The following SNX25 variants were observed in gnomAD, a reference collection of about 807,000 sequenced individuals.
SNX25 encodes sorting nexin-25.
SNX25 carries 62 observed loss-of-function variants against 113.7 expected under a neutral mutation model. That is an observed-to-expected ratio of 0.55 (90% CI 0.44 to 0.67). The LOEUF is 0.67. SNX25 is among the 30% of genes least tolerant of loss of function. The probability of loss-of-function intolerance (pLI) is 0.00; values close to 1 mark genes in which losing one functional copy is unlikely to be tolerated. For missense variants in SNX25, 1,014 were observed against 1,161.0 expected (o/e 0.87, Z 1.84); for synonymous variants, 421 against 436.2 (o/e 0.97, Z 0.43).
chr4:185,303,380 C>G (rs948456968), intron 6 of SNX25, among the ~76,000 whole-genome samples: 1 of 152,146 alleles, frequency 6.6e-6, no homozygotes, highest in Admixed American at 6.5e-5. Flanking sequence ...AACGAAGGTG[C>G]AGGGCGTGGT....
intron 2 of SNX25, among the ~76,000 whole-genome samples, chr4:185,257,157 C>A (rs1411116724): frequency 1.8e-5 from 2 of 111,468 alleles, no homozygotes; most frequent in African/African-American, 6.9e-5. Context: ...TAAGCCAAAT[C>A]AAACAGTGTT....
intron 5 of SNX25, among the ~76,000 whole-genome samples, chr4:185,268,529 T>C (rs3112866): frequency 0.47 from 71,249 of 151,904 alleles, 16,852 homozygotes; most frequent in East Asian, 0.58. Context: ...AATGATAATA[T>C]AGGGGAAAGA....
At chr4:185,303,692 G>A (rs1754038006) in intron 6 of SNX25, among the ~76,000 whole-genome samples, 1 of 151,014 alleles carries the variant, frequency 6.6e-6, no homozygotes, top group East Asian at 1.9e-4. Context: ...GCAAGGCAGG[G>A]CACACAGTGG....
At chr4:185,329,434 C>T (rs1010503913) in intron 9 of SNX25, among the ~76,000 whole-genome samples, 1 of 151,892 alleles carries the variant, frequency 6.6e-6, no homozygotes, top group Admixed American at 6.6e-5. Context: ...AGACAGAGAC[C>T]CAGCGTCCTC....
At chr4:185,372,976 T>G (rs1306886913), downstream of SNX25, 10 of 1,614,028 alleles carry the variant, frequency 6.2e-6, no homozygotes, top group Non-Finnish European at 6.8e-6. Flanking sequence ...CAGGGCAGCT[T>G]CCGTATCCTG....
intron 12 of SNX25, among the ~76,000 whole-genome samples, chr4:185,345,877 T>G (rs1453924054): frequency 2.6e-5 from 4 of 152,170 alleles, no homozygotes; most frequent in Non-Finnish European, 4.4e-5. Context: ...TATTTTTTTT[T>G]GACTGGGTCT....
chr4:185,227,406 C>T (rs1247670632), intron 1 of SNX25, among the ~76,000 whole-genome samples: 1 of 152,254 alleles, frequency 6.6e-6, no homozygotes, highest in African/African-American at 2.4e-5. Flanking sequence ...TTAGCCTTCA[C>T]TTGTATTCCT....
At chr4:185,344,390 G>A (rs949170980) in intron 12 of SNX25, among the ~76,000 whole-genome samples, 2 of 152,130 alleles carry the variant, frequency 1.3e-5, no homozygotes, top group Admixed American at 6.6e-5. Context: ...AGCATCCGGC[G>A]CCACTGTGGC....
intron 2 of SNX25, among the ~76,000 whole-genome samples, chr4:185,257,094 C>T (rs1746558594): frequency 7.2e-6 from 1 of 138,404 alleles, no homozygotes; most frequent in African/African-American, 2.7e-5. Context: ...AGTGTGCAGA[C>T]AAGCAAAGAA....
rs113463460 is a variant in SNX25 at position 185,238,050 on chromosome 4, G to A, written c.430-9244G>A. 2.7e-3 allele frequency among the ~76,000 whole-genome samples: 351 copies of A among 127,694 alleles called. 1 individual carries two copies. Among genetic ancestry groups the A allele is most frequent in the African/African-American group, 9.3e-3 (322 of 34,632 alleles). 83.8% of individuals were successfully genotyped at this position (127,694 alleles called of 152,430 possible). ...TGCACTCCAGTCTGGGCTACAGAGC[G>A]AGACTCCATCTCAAAAAAAAAAAAA... On this transcript the variant is annotated intron_variant, in intron 1 of 18. Transcript: ENST00000652585.
rs1159000963 is a variant in SNX25, at chr4:185,342,892, T to TTA, written c.2187+786_2187+787dup. Among the ~76,000 whole-genome samples the TTA allele has an allele frequency of 2.6e-5, 4 of 152,168 alleles. No individual in the cohort carries two copies. In the South Asian group the frequency reaches 8.3e-4, roughly 32 times the overall value. On this transcript the variant is annotated intron_variant, in intron 12 of 18. Transcript: ENST00000652585. The stretch of plus-strand genomic sequence containing the variant: ...TATTTATTTATTTATCTATTTATTT[T>TTA]TATATATATATTTTTTGAGACGGAG...
At chr4:185,378,472 A>G in the SNX25 span, 2 of 1,203,708 alleles carry the variant, frequency 1.7e-6, no homozygotes, top group Non-Finnish European at 1.0e-6. Context: ...CTGTCTGGCT[A>G]TGGGTTTATA....
chr4:185,272,061 T>C (rs554560585), intron 5 of SNX25, among the ~76,000 whole-genome samples: 1 of 152,248 alleles, frequency 6.6e-6, no homozygotes, highest in Non-Finnish European at 1.5e-5. Context: ...ATGCAGGATG[T>C]TGAAGTGAAG....
At chr4:185,328,755 G>T (rs113498395) in intron 9 of SNX25, among the ~76,000 whole-genome samples, 1 of 152,162 alleles carries the variant, frequency 6.6e-6, no homozygotes, top group African/African-American at 2.4e-5. Context: ...GGACATGAAC[G>T]CGAGCAGTGC....
At position 185,353,482 on chromosome 4, in the gene SNX25, C is replaced by G; in HGVS notation, c.2467-3C>G. 6.2e-7 allele frequency: 1 copy of G among 1,609,874 alleles called. No individual in the cohort carries two copies. Among genetic ancestry groups the G allele is most frequent in the Non-Finnish European group, 8.5e-7 (1 of 1,176,346 alleles). On this transcript the variant is annotated splice_region_variant and splice_polypyrimidine_tract_variant and intron_variant, in intron 14 of 18. Coordinates refer to ENST00000652585, the MANE Select transcript of SNX25 (RefSeq NM_001378034.2). ...GCTTCCTATGACTTTGCTGTATTCC[C>G]AGGAGGAGACAGAGGAGGACAGTGA...
At position 185,362,018 on chromosome 4, in the gene SNX25, T is replaced by G. The variant is rs2095366744; in HGVS notation, c.2746T>G (p.Leu916Val). Reference protein sequence around the residue: ...FRDAFWPNGKLAPPTTIRSKE... With the variant: ...FRDAFWPNGKVAPPTTIRSKE... ...GGATGCTTTTTGGCCAAATGGGAAG[T>G]TGGCACCACCGACCACAATCAGAAG... The change falls in exon 17 of 19, where the codon TTG becomes GTG. Residue 916 changes from leucine to valine, a missense_variant. Leu to Val is a conservative substitution (Grantham distance 32). Coordinates refer to ENST00000652585, the MANE Select transcript of SNX25 (RefSeq NM_001378034.2). 7 of 1,613,910 alleles carry G rather than the reference T, an allele frequency of 4.3e-6. No homozygotes were observed. Among genetic ancestry groups the G allele is most frequent in the Admixed American group, 1.7e-5 (1 of 59,982 alleles).
At chr4:185,211,945 C>A (rs1378372594) in intron 1 of SNX25, among the ~76,000 whole-genome samples, 1 of 152,026 alleles carries the variant, frequency 6.6e-6, no homozygotes, top group Admixed American at 6.6e-5. Context: ...GGATTATCAT[C>A]TAGAAAGATT....
At chr4:185,331,874 G>A (rs1172974790) in intron 9 of SNX25, among the ~76,000 whole-genome samples, 1 of 152,156 alleles carries the variant, frequency 6.6e-6, no homozygotes, top group Admixed American at 6.5e-5. Flanking sequence ...TTTACTGTTT[G>A]TTACAATTAC....
intron 1 of SNX25, among the ~76,000 whole-genome samples, chr4:185,237,054 A>G (rs1742745938): frequency 1.3e-5 from 2 of 152,218 alleles, no homozygotes; most frequent in Non-Finnish European, 2.9e-5. Flanking sequence ...CATTTTTGAA[A>G]TTTAGGAAAA....
Sources: allele counts gnomAD v4.1 joint callset (sites outside exome capture counted in the v4.1 genomes callset), GRCh38; gene constraint gnomAD v4.1.1; transcripts MANE v1.5; gene names NCBI Gene and HGNC (gene_info 2026-07-23, HGNC 2026-07-21).